SLC35D1: variants seen among roughly 807,000 people sequenced by gnomAD.
The protein encoded by SLC35D1 is solute carrier family 35 member D1.
In SLC35D1, 31 loss-of-function variants were observed where a neutral mutation model predicts 46.7. The observed-to-expected ratio is 0.66, with a 90% CI of 0.50 to 0.90. The LOEUF is 0.90. Among genes scored for constraint, SLC35D1 ranks in the 40% least tolerant of loss-of-function variants. SLC35D1 has a pLI of 0.00. For synonymous variants in SLC35D1, 195 were observed against 164.6 expected (o/e 1.18, Z -1.41); for missense variants, 397 against 426.2 (o/e 0.93, Z 0.60).
At chr1:67,004,577 C>A (rs1042152512) in intron 11 of SLC35D1, 129 bp from the exon 12 acceptor site, 23 of 736,162 alleles carry the variant, frequency 3.1e-5, no homozygotes, top group Non-Finnish European at 5.5e-5. Context: ...GAAATTCATA[C>A]AATGAAGTAC....
In SLC35D1 at chr1:67,021,554, T is replaced by A; in HGVS notation, c.778A>T (p.Thr260Ser). The change falls in exon 9 of 12, where the codon ACC (threonine) becomes TCC (serine). Residue 260 changes from threonine (T) to serine (S), a missense_variant. Coordinates refer to ENST00000235345, the MANE Select transcript of SLC35D1 (RefSeq NM_015139.3). ...WADTLFLLQFTLSCVMGFILM... is the reference protein window; with the variant it reads ...WADTLFLLQFSLSCVMGFILM... ...GCTTACCCCATCACACAGGAGAGGG[T>A]GAACTGCAGAAGAAAGAGGGTGTCA... 1.2e-6 allele frequency: 2 copies of A among 1,613,874 alleles called. No homozygotes were observed. The highest frequency in any genetic ancestry group is 1.7e-6 in the Non-Finnish European group (2 of 1,179,890).
intron 8 of SLC35D1, 60 bp from the exon 9 acceptor site, chr1:67,021,662 T>C: frequency 6.4e-7 from 1 of 1,560,940 alleles, no homozygotes; most frequent in South Asian, 1.1e-5. Context: ...GCTATCCCGT[T>C]TTAATGTAAA....
At chr1:66,979,367 T>A in the SLC35D1 span, among the ~76,000 whole-genome samples, 1 of 152,192 alleles carries the variant, frequency 6.6e-6, no homozygotes, top group African/African-American at 2.4e-5. Context: ...AATCCATAAT[T>A]CAGAGCACAT....
the SLC35D1 span, chr1:66,985,963 C>T: frequency 1.0e-6 from 1 of 985,014 alleles, no homozygotes; most frequent in Non-Finnish European, 1.2e-6. Context: ...AGTTTAATGT[C>T]AGCTTAAGTG....
chr1:67,037,982 G>C (rs1668157633), intron 8 of SLC35D1, among the ~76,000 whole-genome samples: 1 of 152,140 alleles, frequency 6.6e-6, no homozygotes, highest in Non-Finnish European at 1.5e-5. Context: ...ACACATTCCA[G>C]CTTGCCAAGT....
downstream of SLC35D1, among the ~76,000 whole-genome samples, chr1:66,995,126 C>T (rs1667224568): frequency 6.6e-6 from 1 of 152,092 alleles, no homozygotes; most frequent in Admixed American, 6.5e-5. Flanking sequence ...TCCGTGATCC[C>T]CACCTGACAG....
Position 67,024,277 on chromosome 1 carries a change from A to G in SLC35D1, c.730-2675T>C, listed in dbSNP as rs76637638. On this transcript the variant is annotated intron_variant, in intron 8 of 11. Transcript: ENST00000235345. ...TGCATTTTCTTAATAGTGTCTTTTG[A>G]AGAGCAAAAAATGTTAATGTTGATG... Among the ~76,000 whole-genome samples the G allele has an allele frequency of 1.7e-3, 253 of 152,270 alleles. 2 individuals are homozygous for G. The highest frequency in any genetic ancestry group is 2.2e-3 in the Non-Finnish European group (148 of 68,004).
At chr1:66,994,259 A>G in the SLC35D1 span, among the ~76,000 whole-genome samples, 1 of 152,168 alleles carries the variant, frequency 6.6e-6, no homozygotes, top group African/African-American at 2.4e-5. Context: ...CTACTTTGTC[A>G]CTATTAGCGC....
At chr1:66,986,430 A>G in the SLC35D1 span, 3 of 1,612,964 alleles carry the variant, frequency 1.9e-6, no homozygotes, top group African/African-American at 2.7e-5. Context: ...CTTCCAGTTC[A>G]TTTTTCAGCC....
At chr1:66,991,385 G>C in the SLC35D1 span, among the ~76,000 whole-genome samples, 3 of 152,308 alleles carry the variant, frequency 2.0e-5, no homozygotes, top group Admixed American at 6.5e-5. Context: ...CTGAGTCCCA[G>C]TTGCCCTCTG....
At chr1:67,035,820 T>C (rs1438521741) in intron 8 of SLC35D1, among the ~76,000 whole-genome samples, 1 of 150,558 alleles carries the variant, frequency 6.6e-6, no homozygotes, top group African/African-American at 2.4e-5. Context: ...TTTTTTTTTT[T>C]TGATGTAGGC....
intron 11 of SLC35D1, among the ~76,000 whole-genome samples, chr1:67,005,251 G>A (rs2102227815): frequency 6.6e-6 from 1 of 152,268 alleles, no homozygotes; most frequent in South Asian, 2.1e-4. Context: ...CCTGACCTGG[G>A]CGCCAATTCT....
chr1:67,012,568 A>T (rs1053795756), intron 10 of SLC35D1, among the ~76,000 whole-genome samples: 37 of 148,834 alleles, frequency 2.5e-4, no homozygotes, highest in African/African-American at 7.5e-4. Context: ...AAAAAAAAAA[A>T]TTTAAGAGAT....
At chr1:67,006,710 G>A (rs1048461537) in intron 11 of SLC35D1, among the ~76,000 whole-genome samples, 3 of 152,042 alleles carry the variant, frequency 2.0e-5, no homozygotes, top group Non-Finnish European at 4.4e-5. Flanking sequence ...CTGACTCTAC[G>A]GTTAGGTCTT....
At chr1:66,977,113 CTT>C in the SLC35D1 span, among the ~76,000 whole-genome samples, 6 of 144,002 alleles carry the variant, frequency 4.2e-5, no homozygotes, top group Admixed American at 6.9e-5. Flanking sequence ...TTTTAATCTT[CTT>C]TTTTTTTTTT....
downstream of SLC35D1, among the ~76,000 whole-genome samples, chr1:66,997,502 TAAAA>T (rs767972425): frequency 1.2e-4 from 10 of 80,094 alleles, no homozygotes; most frequent in African/African-American, 4.5e-4. Context: ...GACCCTGTGT[TAAAA>T]AAAAAAAAAA....
chr1:66,978,310 C>G, the SLC35D1 span, among the ~76,000 whole-genome samples: 1 of 152,084 alleles, frequency 6.6e-6, no homozygotes, highest in Non-Finnish European at 1.5e-5. Flanking sequence ...CTGCTGGTCA[C>G]TTCCTTAGAA....
downstream of SLC35D1, among the ~76,000 whole-genome samples, chr1:66,994,537 G>A (rs905089343): frequency 1.3e-5 from 2 of 152,030 alleles, no homozygotes; most frequent in African/African-American, 2.4e-5. Context: ...CCAGCTCCTC[G>A]GGAGGCTGAG....
downstream of SLC35D1, among the ~76,000 whole-genome samples, chr1:66,995,134 C>T (rs1056342832): frequency 2.0e-5 from 3 of 152,124 alleles, no homozygotes; most frequent in African/African-American, 7.2e-5. Context: ...CCCCACCTGA[C>T]AGTCATCCAC....
Sources: gnomAD v4.1 joint callset for allele counts (sites outside exome capture counted in the v4.1 genomes callset) on GRCh38, gnomAD v4.1.1 for gene constraint, MANE v1.5 for transcripts, NCBI Gene and HGNC (gene_info 2026-07-23, HGNC 2026-07-21) for gene names.